FGF14: variants seen among roughly 807,000 people sequenced by gnomAD.
FGF14 encodes the protein fibroblast growth factor 14.
A neutral mutation model predicts 25.5 loss-of-function variants in FGF14; 5 were observed. The ratio of observed to expected loss-of-function variants is 0.20; its 90% CI spans 0.10 to 0.41. The LOEUF is 0.41. FGF14 is among the 10% of genes least tolerant of loss of function. The probability of loss-of-function intolerance (pLI) is 1.00; values close to 1 mark genes in which losing one functional copy is unlikely to be tolerated. For synonymous variants in FGF14, 138 were observed against 118.3 expected, an observed-to-expected ratio of 1.17 and a Z score of -1.08; for missense variants, 222 against 320.1, an observed-to-expected ratio of 0.69 and a Z score of 2.34.
Position 102,400,023 on chromosome 13 carries a change from T to C in FGF14, c.208+1448A>G, listed in dbSNP as rs1232934260. Among the ~76,000 whole-genome samples the C allele has an allele frequency of 6.6e-6, 1 of 152,014 alleles. No individual in the cohort carries two copies. Among genetic ancestry groups the C allele is most frequent in the Non-Finnish European group, 1.5e-5 (1 of 68,004 alleles). On this transcript the variant is annotated intron_variant, in intron 1 of 4. Coordinates refer to the FGF14 transcript ENST00000376131. This position sits in a 1 kb window ranked among gnomAD's most constrained non-coding sequence, Gnocchi z 4.3. ...GCAGGAATGGTGGCCGCAAACGGTC[T>C]CAGCCTCCGCACCCACCGCCTCCGT...
At chr13:102,146,920 A>G (rs1336489988) in intron 1 of FGF14, among the ~76,000 whole-genome samples, 2 of 152,212 alleles carry the variant, frequency 1.3e-5, no homozygotes, top group African/African-American at 2.4e-5. Flanking sequence ...TGAAGTGCTG[A>G]TAGAAACTTA....
At chr13:102,251,763 C>CT (rs1214153896) in intron 1 of FGF14, among the ~76,000 whole-genome samples, 4 of 152,276 alleles carry the variant, frequency 2.6e-5, no homozygotes, top group African/African-American at 9.6e-5. Context: ...TTACATGACT[C>CT]TTTTTAGACT....
At chr13:101,739,444 G>A (rs2036402237) in intron 3 of FGF14, among the ~76,000 whole-genome samples, 1 of 152,054 alleles carries the variant, frequency 6.6e-6, no homozygotes, top group South Asian at 2.1e-4. Context: ...ATAAGAAAAG[G>A]AATGATTTCT....
chr13:102,283,601 A>T (rs2053953295), intron 1 of FGF14, among the ~76,000 whole-genome samples: 1 of 152,238 alleles, frequency 6.6e-6, no homozygotes, highest in Non-Finnish European at 1.5e-5. Flanking sequence ...AACCATTCTT[A>T]GAAAATTCCT....
intron 1 of FGF14, among the ~76,000 whole-genome samples, chr13:102,197,739 T>C (rs1399989221): frequency 1.3e-5 from 2 of 152,084 alleles, no homozygotes; most frequent in African/African-American, 4.8e-5. Flanking sequence ...ATATGCTATA[T>C]AAACAAAATA....
intron 1 of FGF14, among the ~76,000 whole-genome samples, chr13:102,212,782 C>T (rs2050214384): frequency 6.6e-6 from 1 of 152,194 alleles, no homozygotes; most frequent in Admixed American, 6.5e-5. Flanking sequence ...GCCATCTCAA[C>T]ACATATTATG....
chr13:102,045,490 G>A (rs2140021791), intron 1 of FGF14, among the ~76,000 whole-genome samples: 1 of 152,252 alleles, frequency 6.6e-6, no homozygotes, highest in African/African-American at 2.4e-5. Context: ...ACAACTCATT[G>A]TCTGATTTTG....
chr13:102,270,506 C>G (rs2053195314), intron 1 of FGF14, among the ~76,000 whole-genome samples: 1 of 152,084 alleles, frequency 6.6e-6, no homozygotes, highest in Non-Finnish European at 1.5e-5. Flanking sequence ...AGGATAGATT[C>G]TCAGAAACAG....
At chr13:101,735,395 G>T (rs1427330677) in intron 3 of FGF14, among the ~76,000 whole-genome samples, 1 of 152,058 alleles carries the variant, frequency 6.6e-6, no homozygotes, top group Non-Finnish European at 1.5e-5. Context: ...ATATATAGAT[G>T]AAAGCAGTAA....
intron 1 of FGF14, among the ~76,000 whole-genome samples, chr13:102,081,021 C>T (rs975772008): frequency 6.6e-6 from 1 of 152,192 alleles, no homozygotes; most frequent in Non-Finnish European, 1.5e-5. Flanking sequence ...TGTATTTGGC[C>T]TGAAACCTTC....
intron 3 of FGF14, among the ~76,000 whole-genome samples, chr13:101,766,840 G>C (rs557526018): frequency 2.0e-5 from 3 of 152,104 alleles, no homozygotes; most frequent in Non-Finnish European, 2.9e-5. Flanking sequence ...AGGGTGATGC[G>C]TCTACAAGCC....
intron 3 of FGF14, among the ~76,000 whole-genome samples, chr13:101,854,787 A>AAATG (rs1293625845): frequency 1.3e-5 from 2 of 152,010 alleles, no homozygotes; most frequent in Non-Finnish European, 2.9e-5. Flanking sequence ...GTAACCTAAG[A>AAATG]AATGAATTCC....
chr13:102,263,443 C>T lies in FGF14; in HGVS notation c.208+138028G>A, dbSNP rs866685668. 2.0e-5 allele frequency among the ~76,000 whole-genome samples: 3 copies of T among 152,158 alleles called. No individual in the cohort carries two copies. In the South Asian group the frequency reaches 6.2e-4, roughly 32 times the overall value. On this transcript the variant is annotated intron_variant, in intron 1 of 4. Coordinates refer to the FGF14 transcript ENST00000376131. ...ATAATACCACATTTTCTTCTTCATT[C>T]CTTAAACACATGAAAGGCACCCCCA...
intron 1 of FGF14, among the ~76,000 whole-genome samples, chr13:102,160,185 T>C (rs2047556697): frequency 6.6e-6 from 1 of 152,114 alleles, no homozygotes; most frequent in Admixed American, 6.5e-5. Context: ...TTGAAGGTAA[T>C]CAAAGACAGC....
intron 1 of FGF14, among the ~76,000 whole-genome samples, chr13:102,130,929 C>T (rs903973217): frequency 9.9e-5 from 15 of 152,110 alleles, no homozygotes; most frequent in Non-Finnish European, 8.8e-5. Context: ...AAATGTTGCC[C>T]AAGAGCCATT....
intron 1 of FGF14, among the ~76,000 whole-genome samples, chr13:102,159,842 C>G (rs2047540223): frequency 6.6e-6 from 1 of 152,180 alleles, no homozygotes; most frequent in Non-Finnish European, 1.5e-5. Flanking sequence ...GGGTCAGATA[C>G]TAAGAAAATT....
chr13:102,107,962 T>C (rs931488218), intron 1 of FGF14, among the ~76,000 whole-genome samples: 12 of 152,238 alleles, frequency 7.9e-5, no homozygotes, highest in African/African-American at 2.7e-4. Context: ...ATTCATACTA[T>C]GTAAAATATT....
chr13:101,926,936 A>G (rs543708126), intron 1 of FGF14, among the ~76,000 whole-genome samples: 1 of 152,342 alleles, frequency 6.6e-6, no homozygotes, highest in Admixed American at 6.5e-5. Flanking sequence ...AATCAGAAAT[A>G]TTTCCTGAAG....
At chr13:102,100,089 G>A (rs989689050) in intron 1 of FGF14, among the ~76,000 whole-genome samples, 4 of 152,176 alleles carry the variant, frequency 2.6e-5, no homozygotes, top group Non-Finnish European at 5.9e-5. Flanking sequence ...AATTCATCAT[G>A]AGACAAAAGT....
Sources: allele counts gnomAD v4.1 joint callset (sites outside exome capture counted in the v4.1 genomes callset), GRCh38; gene constraint gnomAD v4.1.1; non-coding constraint Gnocchi (gnomAD v3.1); transcripts MANE v1.5; gene names NCBI Gene and HGNC (gene_info 2026-07-23, HGNC 2026-07-21).